Variants in RBFOX1 observed in about 807,000 individuals in gnomAD.
RBFOX1 encodes RNA binding protein fox-1 homolog 1.
RBFOX1 carries 8 observed loss-of-function variants against 57.7 expected under a neutral mutation model. The observed-to-expected ratio is 0.14, with a 90% CI of 0.08 to 0.25. The LOEUF is 0.25. Ranked by LOEUF, RBFOX1 falls within the 10% of genes least tolerant of loss-of-function variation. The pLI, the probability that RBFOX1 is intolerant of heterozygous loss-of-function variation, is 1.00. For synonymous variants in RBFOX1, 326 were observed against 222.4 expected (o/e 1.47, Z -4.15); for missense variants, 611 against 548.5 (o/e 1.11, Z -1.14).
At chr16:5,415,868 G>C (rs892795707) in intron 1 of RBFOX1, among the ~76,000 whole-genome samples, 2 of 152,136 alleles carry the variant, frequency 1.3e-5, no homozygotes, top group Non-Finnish European at 2.9e-5. Context: ...GGTTATAAAG[G>C]CCGGTTTCCC....
chr16:7,163,492 C>A (rs1452572220), intron 4 of RBFOX1, among the ~76,000 whole-genome samples: 1 of 152,122 alleles, frequency 6.6e-6, no homozygotes, highest in African/African-American at 2.4e-5. Context: ...CCATTCTCTC[C>A]TTTGGTCCTT....
chr16:7,600,690 A>T (rs1239356342), intron 9 of RBFOX1, among the ~76,000 whole-genome samples: 6 of 152,236 alleles, frequency 3.9e-5, no homozygotes, highest in Non-Finnish European at 5.9e-5. Flanking sequence ...TATCAATGCC[A>T]GCATCACCTT....
chr16:6,190,236 A>G (rs1010840674), intron 1 of RBFOX1, among the ~76,000 whole-genome samples: 3 of 152,202 alleles, frequency 2.0e-5, no homozygotes, highest in African/African-American at 4.8e-5. Context: ...AGTTATTTGA[A>G]TGACTCCATT....
chr16:5,985,086 C>G (rs1409864954), intron 4 of RBFOX1, among the ~76,000 whole-genome samples: 1 of 149,294 alleles, frequency 6.7e-6, no homozygotes, highest in Non-Finnish European at 1.5e-5. Flanking sequence ...CCCGGGTTCA[C>G]ACCATTCTCC....
chr16:6,570,430 G>A (rs995262468), intron 2 of RBFOX1, among the ~76,000 whole-genome samples: 2 of 151,972 alleles, frequency 1.3e-5, no homozygotes, highest in Non-Finnish European at 2.9e-5. Context: ...TATTGACTCA[G>A]CTTAATACTG....
intron 1 of RBFOX1, among the ~76,000 whole-genome samples, chr16:6,026,418 C>T (rs2095195759): frequency 6.6e-6 from 1 of 152,172 alleles, no homozygotes; most frequent in South Asian, 2.1e-4. Flanking sequence ...GCAATTTGTC[C>T]AAGGACACAA....
intron 5 of RBFOX1, among the ~76,000 whole-genome samples, chr16:7,520,385 C>A (rs1453707120): frequency 1.3e-5 from 2 of 152,094 alleles, no homozygotes; most frequent in East Asian, 1.9e-4. Flanking sequence ...GTTCCTAGCA[C>A]CCCAAAAGGA....
intron 4 of RBFOX1, among the ~76,000 whole-genome samples, chr16:7,341,918 C>G (rs1193609479): frequency 1.3e-5 from 2 of 151,880 alleles, no homozygotes; most frequent in Non-Finnish European, 2.9e-5. Context: ...TAGAGTTCAA[C>G]ACACCCACTG....
intron 1 of RBFOX1, among the ~76,000 whole-genome samples, chr16:6,273,544 C>A (rs927708133): frequency 6.6e-6 from 1 of 151,700 alleles, no homozygotes; most frequent in Non-Finnish European, 1.5e-5. Flanking sequence ...ATGGGCTTCT[C>A]CATGTTGGTC....
chr16:6,757,374 G>A (rs1294338454), intron 3 of RBFOX1, among the ~76,000 whole-genome samples: 1 of 152,108 alleles, frequency 6.6e-6, no homozygotes, highest in Admixed American at 6.5e-5. Flanking sequence ...ATTTACAATA[G>A]CAAAGATATA....
At chr16:7,641,119 G>A (rs943156746) in intron 11 of RBFOX1, among the ~76,000 whole-genome samples, 1 of 152,156 alleles carries the variant, frequency 6.6e-6, no homozygotes, top group Non-Finnish European at 1.5e-5. Context: ...GAAGGGAGAG[G>A]CTGAATCCAA....
chr16:6,853,176 T>TA (rs1718194965), intron 3 of RBFOX1, among the ~76,000 whole-genome samples: 1 of 152,208 alleles, frequency 6.6e-6, no homozygotes, highest in Admixed American at 6.5e-5. Flanking sequence ...TCCTCCTTTG[T>TA]AAAAGGAGAC....
chr16:5,302,796 T>C (rs1365405819), intron 1 of RBFOX1, among the ~76,000 whole-genome samples: 2 of 152,210 alleles, frequency 1.3e-5, no homozygotes, highest in South Asian at 2.1e-4. Flanking sequence ...TTTCCCGCCT[T>C]TTTTAGTTTA....
intron 4 of RBFOX1, among the ~76,000 whole-genome samples, chr16:7,206,393 C>T (rs1239597878): frequency 6.6e-6 from 1 of 151,548 alleles, no homozygotes; most frequent in Non-Finnish European, 1.5e-5. Flanking sequence ...GCATTTTTAG[C>T]AATTAGAATA....
At chr16:7,242,777 C>A (rs116446618) in intron 4 of RBFOX1, among the ~76,000 whole-genome samples, 18 of 152,230 alleles carry the variant, frequency 1.2e-4, no homozygotes, top group Admixed American at 2.0e-4. Flanking sequence ...TCTGCAAGAA[C>A]TGGCTAAACG....
At chr16:6,200,107 A>G (rs2097205616) in intron 1 of RBFOX1, among the ~76,000 whole-genome samples, 1 of 152,122 alleles carries the variant, frequency 6.6e-6, no homozygotes, top group African/African-American at 2.4e-5. Flanking sequence ...CCCCATTGGA[A>G]AGGGAGCCAA....
rs1432291910 is a variant in RBFOX1, at chr16:6,729,016, C to T, written c.-16+74366C>T. Among the ~76,000 whole-genome samples the T allele has an allele frequency of 3.3e-5, 5 of 152,216 alleles. No homozygotes were observed. The East Asian group carries it at 9.7e-4, about 29-fold the overall frequency. On this transcript the variant is annotated intron_variant, in intron 3 of 15. Transcript: ENST00000550418. Reference sequence around the variant, plus strand: ...ATTTTTGTTAATACAGTCAACAAATCATACGGGGATAACTTTAAATAATTC... The same window carrying T: ...ATTTTTGTTAATACAGTCAACAAATTATACGGGGATAACTTTAAATAATTC...
At chr16:5,949,020 G>A (rs962089085) in intron 4 of RBFOX1, among the ~76,000 whole-genome samples, 1 of 152,024 alleles carries the variant, frequency 6.6e-6, no homozygotes, top group African/African-American at 2.4e-5. Flanking sequence ...GTGTGTCTAC[G>A]TGCGTCATAT....
intron 3 of RBFOX1, among the ~76,000 whole-genome samples, chr16:6,841,825 G>A (rs7501416): frequency 0.48 from 72,472 of 151,826 alleles, 18,415 homozygotes; most frequent in East Asian, 0.75. Context: ...ATGTTCTTCA[G>A]GTAGAATTTT....
Sources: allele counts gnomAD v4.1 joint callset (sites outside exome capture counted in the v4.1 genomes callset), GRCh38; gene constraint gnomAD v4.1.1; transcripts MANE v1.5; gene names NCBI Gene and HGNC (gene_info 2026-07-23, HGNC 2026-07-21).